TENT5D: variants seen among roughly 807,000 people sequenced by gnomAD.
TENT5D encodes terminal nucleotidyltransferase 5D.
For missense variants in TENT5D, 191 were observed against 287.0 expected (o/e 0.67, Z 2.42); for synonymous variants, 103 against 100.6 (o/e 1.02, Z -0.15).
At position 80,362,730 on chromosome X, in the gene TENT5D, T is replaced by C. The variant is rs767372429; in HGVS notation, c.-142+20166T>C. On this transcript the variant is annotated intron_variant, in intron 3 of 4. Transcript: ENST00000538312. ...AGCTCACTGTGGTCCCAGAGCCTCTTCCCTCTAATGGGACTCTATTCCATT... is the reference window on the plus strand; with the variant it reads ...AGCTCACTGTGGTCCCAGAGCCTCTCCCCTCTAATGGGACTCTATTCCATT... Among the ~76,000 whole-genome samples, 3 of 111,656 alleles carry C rather than the reference T, an allele frequency of 2.7e-5. No homozygotes were observed. In the Admixed American group the frequency reaches 2.9e-4, roughly 11 times the overall value.
At chrX:80,430,394 G>T (rs1392402488) in intron 1 of TENT5D, among the ~76,000 whole-genome samples, 1 of 111,372 alleles carries the variant, frequency 9.0e-6, no homozygotes, top group East Asian at 2.8e-4. Context: ...CCCTGGATAA[G>T]GGGGAAAGGT....
intron 3 of TENT5D, among the ~76,000 whole-genome samples, chrX:80,412,197 A>G (rs998954637): frequency 8.9e-6 from 1 of 112,682 alleles, no homozygotes; most frequent in Non-Finnish European, 1.9e-5. Flanking sequence ...CCTTTCAGCC[A>G]TGGCTGGGGA....
chrX:80,411,159 G>C (rs1931656350), intron 3 of TENT5D, among the ~76,000 whole-genome samples: 1 of 106,154 alleles, frequency 9.4e-6, no homozygotes, highest in Non-Finnish European at 1.9e-5. Flanking sequence ...ACGAGTTAGT[G>C]GGTGCAGCGC....
chrX:80,393,159 T>G (rs1488041820), intron 3 of TENT5D, among the ~76,000 whole-genome samples: 1 of 111,036 alleles, frequency 9.0e-6, no homozygotes, highest in African/African-American at 3.3e-5. Context: ...GAAAGTTTAT[T>G]CTGTTTTGGG....
At chrX:80,436,824 T>C (rs1183955788) in intron 1 of TENT5D, among the ~76,000 whole-genome samples, 1 of 111,951 alleles carries the variant, frequency 8.9e-6, no homozygotes, top group Non-Finnish European at 1.9e-5. Context: ...GAAACACACT[T>C]CTACTTTTAA....
chrX:80,391,897 A>C (rs1479252276), intron 3 of TENT5D, among the ~76,000 whole-genome samples: 1 of 112,614 alleles, frequency 8.9e-6, no homozygotes, highest in Admixed American at 9.4e-5. Flanking sequence ...CTCTTAAAGC[A>C]ACCTGTCTTT....
intron 3 of TENT5D, among the ~76,000 whole-genome samples, chrX:80,414,495 G>T (rs1462481312): frequency 2.7e-5 from 3 of 112,039 alleles, no homozygotes; most frequent in Non-Finnish European, 5.6e-5. Flanking sequence ...TGAGACATCT[G>T]CCCAAGGTGG....
chrX:80,407,712 G>A (rs1270080953), intron 3 of TENT5D, among the ~76,000 whole-genome samples: 4 of 108,610 alleles, frequency 3.7e-5, no homozygotes, highest in Non-Finnish European at 7.6e-5. Context: ...AGTCAACAAC[G>A]ATACCCAGGA....
chrX:80,403,038 T>G (rs1341166654), intron 3 of TENT5D, among the ~76,000 whole-genome samples: 1 of 112,073 alleles, frequency 8.9e-6, no homozygotes, highest in African/African-American at 3.2e-5. Flanking sequence ...GTAAAATTAT[T>G]TATTTATAAC....
rs61755190 is a variant in TENT5D at position 80,443,136 on chromosome X, T to C, written c.597T>C (p.Tyr199=). Residue 199 remains tyrosine, a synonymous_variant, in exon 3 of 3, where the codon TAT becomes TAC. Transcript: ENST00000308293. Reference sequence around the variant, plus strand: ...ATGCCAAGCTAACCAAAGAATCCTATCCTGTTGTGGTAGCTGAAAGCATGT... The same window carrying C: ...ATGCCAAGCTAACCAAAGAATCCTACCCTGTTGTGGTAGCTGAAAGCATGT... 6.2e-4 allele frequency: 744 copies of C among 1,209,308 alleles called. 1 individual carries two copies. In the African/African-American group the frequency reaches 7.9e-3, roughly 13 times the overall value.
rs1181631685 is a variant in TENT5D, at chrX:80,392,540, C to T, written c.-141-46070C>T. On this transcript the variant is annotated intron_variant, in intron 3 of 4. Coordinates refer to the TENT5D transcript ENST00000538312. ...TTTTTTTTTTTTTGAGACGGAGTCT[C>T]GCTCTGTCGCCCAGGCCGGACTGCG... 6.2e-5 allele frequency among the ~76,000 whole-genome samples: 4 copies of T among 64,272 alleles called. No homozygotes were observed. The East Asian group carries it at 1.9e-3, about 31-fold the overall frequency. The allele number at this position is 64,272 out of a possible 115,157, so 55.8% of individuals were successfully genotyped here. A position where few individuals can be genotyped will look rare whatever the true frequency, so the allele number is the denominator to read the frequency against.
chrX:80,404,866 A>G (rs1483053025), intron 3 of TENT5D, among the ~76,000 whole-genome samples: 9 of 112,165 alleles, frequency 8.0e-5, no homozygotes, highest in African/African-American at 1.9e-4. Context: ...AATTTTTATA[A>G]TCTCGGTTTT....
At chrX:80,419,333 A>G (rs1273970970), upstream of TENT5D, among the ~76,000 whole-genome samples, 1 of 112,198 alleles carries the variant, frequency 8.9e-6, no homozygotes, top group African/African-American at 3.2e-5. Context: ...TATAGTCTTA[A>G]ATGTTACTAA....
In TENT5D at chrX:80,352,720, C is replaced by CAA. The variant is rs1189877322; in HGVS notation, c.-142+10181_-142+10182dup. ...GCCGCTGGAGTACGAAGCAAACAAA[C>CAA]AAAAAAAAAAAAAAAAAAAAAAAAA... On this transcript the variant is annotated intron_variant, in intron 3 of 4. Transcript: ENST00000538312. Among the ~76,000 whole-genome samples the CAA allele has an allele frequency of 4.6e-3, 91 of 19,904 alleles. 3 individuals are homozygous for CAA. The highest frequency in any genetic ancestry group is 0.018 in the South Asian group (5 of 279). 17.3% of individuals were successfully genotyped at this position (19,904 alleles called of 115,157 possible). A position where few individuals can be genotyped will look rare whatever the true frequency, so the allele number is the denominator to read the frequency against.
At chrX:80,337,269 A>G (rs1238028634) in intron 2 of TENT5D, among the ~76,000 whole-genome samples, 1 of 111,912 alleles carries the variant, frequency 8.9e-6, no homozygotes, top group Non-Finnish European at 1.9e-5. Context: ...AATAAAAGCA[A>G]TATTACAAAT....
In TENT5D at chrX:80,436,144, G is replaced by C. The variant is rs963622251; in HGVS notation, c.-141-2466G>C. Among the ~76,000 whole-genome samples, 18 of 110,627 alleles carry C rather than the reference G, an allele frequency of 1.6e-4. 1 individual carries two copies. In the Admixed American group the frequency reaches 1.7e-3, roughly 11 times the overall value. On this transcript the variant is annotated intron_variant, in intron 1 of 2. Transcript: ENST00000308293. ...CTCCCTTTAAATGGGCATATATTCT[G>C]ATTTGGTGGCTATTCTAAGAATTAC...
intron 3 of TENT5D, among the ~76,000 whole-genome samples, chrX:80,393,659 A>G (rs759791698): frequency 3.0e-4 from 34 of 111,855 alleles, no homozygotes; most frequent in African/African-American, 1.1e-3. Flanking sequence ...AATCAAATTT[A>G]TTCCTCTTAT....
intron 3 of TENT5D, among the ~76,000 whole-genome samples, chrX:80,357,739 C>G (rs946069536): frequency 3.6e-5 from 4 of 110,945 alleles, no homozygotes; most frequent in Non-Finnish European, 7.5e-5. Context: ...CCATACTGCC[C>G]AAGGTAATTT....
chrX:80,419,387 A>T (rs1053185693), upstream of TENT5D, among the ~76,000 whole-genome samples: 1 of 111,993 alleles, frequency 8.9e-6, no homozygotes, highest in African/African-American at 3.2e-5. Context: ...CCAGGAAAAC[A>T]TTGAGTAGGT....
Sources: gnomAD v4.1 joint callset for allele counts (sites outside exome capture counted in the v4.1 genomes callset) on GRCh38, gnomAD v4.1.1 for gene constraint, MANE v1.5 for transcripts, NCBI Gene and HGNC (gene_info 2026-07-23, HGNC 2026-07-21) for gene names.